LTBP3: variants seen among roughly 807,000 people sequenced by gnomAD.
The protein encoded by LTBP3 is latent transforming growth factor beta binding protein 3.
LTBP3 carries 97 observed loss-of-function variants against 159.7 expected under a neutral mutation model. The ratio of observed to expected loss-of-function variants is 0.61; its 90% CI spans 0.52 to 0.72. The LOEUF (loss-of-function observed/expected upper bound fraction) is 0.72, where lower values mean the gene tolerates loss of function less well. Ranked by LOEUF, LTBP3 falls within the 30% of genes least tolerant of loss-of-function variation. The pLI, the probability that LTBP3 is intolerant of heterozygous loss-of-function variation, is 0.00. For missense variants in LTBP3, 1,584 were observed against 1,864.3 expected (o/e 0.85, Z 2.77); for synonymous variants, 824 against 777.1 (o/e 1.06, Z -1.00).
intron 11 of LTBP3, among the ~76,000 whole-genome samples, chr11:65,549,567 C>CTTTTTTT (rs748132211): frequency 7.7e-5 from 5 of 64,744 alleles, no homozygotes; most frequent in South Asian, 7.1e-4. Flanking sequence ...CCCAGCTAAT[C>CTTTTTTT]TTTTTTTTTT....
rs1856242047 is a variant in LTBP3, at chr11:65,543,449, GGACA to G, written c.2450_2453del (p.Leu817ProfsTer50). On this transcript the variant is annotated frameshift_variant, in exon 17 of 28. Coordinates refer to ENST00000301873, the MANE Select transcript of LTBP3 (RefSeq NM_001130144.3). LOFTEE classifies it high-confidence loss of function. ...CACCCTCGCAGTGGCTCCGGTCCCT[GGACA>G]GATGGTAGCCAGAGAGGCACTGACA... The G allele has an allele frequency of 6.2e-7, 1 of 1,613,996 alleles. No homozygotes were observed.
At chr11:65,556,523 C>A (rs973760673) in intron 1 of LTBP3, among the ~76,000 whole-genome samples, 6 of 152,132 alleles carry the variant, frequency 3.9e-5, no homozygotes, top group African/African-American at 1.4e-4. Context: ...AGCAAAACTC[C>A]ATCTCAAAAA....
intron 11 of LTBP3, chr11:65,548,560 C>T: frequency 5.1e-6 from 1 of 194,872 alleles, no homozygotes; most frequent in South Asian, 8.4e-5. Context: ...CCTGGGAATC[C>T]TAACTAGTGC....
Position 65,557,852 on chromosome 11 carries a change from G to GA in LTBP3, c.107_108insT (p.Leu37ProfsTer157). 8.3e-7 allele frequency: 1 copy of GA among 1,201,362 alleles called. No homozygotes were observed. The highest frequency in any genetic ancestry group is 1.1e-6 in the Non-Finnish European group (1 of 910,474). The allele number at this position is 1,201,362 out of a possible 1,614,324, so 74.4% of individuals were successfully genotyped here. A position where few individuals can be genotyped will look rare whatever the true frequency, so the allele number is the denominator to read the frequency against. On this transcript the variant is annotated frameshift_variant, in exon 1 of 28. Transcript: ENST00000301873. LOFTEE classifies it high-confidence loss of function. Reference sequence around the variant, plus strand: ...GCCCCCCCTCGACCCTGCCGCCCAGGCCCAGCAGCAGCAGCAGCAGCAGCA... The same window carrying GA: ...GCCCCCCCTCGACCCTGCCGCCCAGGACCCAGCAGCAGCAGCAGCAGCAGCA...
In LTBP3 at chr11:65,548,009, C is replaced by T; in HGVS notation, c.1757G>A (p.Gly586Asp). The T allele has an allele frequency of 6.2e-7, 1 of 1,613,902 alleles. No individual in the cohort carries two copies. Among genetic ancestry groups the T allele is most frequent in the Middle Eastern group, 1.7e-4 (1 of 6,048 alleles). ...DECRLNQNIC[G>D]HGECVPGPPD... ...GGGGCCCGGCACGCACTCTCCGTGG[C>T]CACAGATGTTCTGGTTCAGTCGGCA... is the stretch of plus-strand genomic sequence containing the variant. The change falls in exon 12 of 28, where the codon GGC becomes GAC. Residue 586 changes from glycine (G) to aspartate (D), a missense_variant. Gly to Asp is a moderately conservative substitution (Grantham distance 94, BLOSUM62 -1). Transcript: ENST00000301873.
Position 65,557,621 on chromosome 11 carries a change from G to T in LTBP3, c.331+8C>A. 6.2e-7 allele frequency: 1 copy of T among 1,608,330 alleles called. No homozygotes were observed. Among genetic ancestry groups the T allele is most frequent in the Non-Finnish European group, 8.5e-7 (1 of 1,179,696 alleles). The stretch of plus-strand genomic sequence containing the variant: ...TCCCCTGCCCCCAGCCGTGCCCCCG[G>T]CCCTCACCCACGCGGAAGCCGGAGC... On this transcript the variant is annotated splice_region_variant and intron_variant, in intron 1 of 27. Coordinates refer to ENST00000301873, the MANE Select transcript of LTBP3 (RefSeq NM_001130144.3).
intron 22 of LTBP3, 28 bp from the exon 23 acceptor site, chr11:65,540,410 G>A (rs367848582): frequency 6.8e-6 from 11 of 1,606,892 alleles, no homozygotes; most frequent in East Asian, 6.7e-5. Context: ...GTGGGTAGCA[G>A]GGGCAGGCCC....
chr11:65,543,442 G>C lies in LTBP3; in HGVS notation c.2461C>G (p.Arg821Gly). The change falls in exon 17 of 28, where the codon CGG (arginine) becomes GGG (glycine). Residue 821 changes from arginine to glycine, a missense_variant. Coordinates refer to ENST00000301873, the MANE Select transcript of LTBP3 (RefSeq NM_001130144.3). ...GATCCCTCACCCTCGCAGTGGCTCC[G>C]GTCCCTGGACAGATGGTAGCCAGAG... ...CLSGYHLSRD[R>G]SHCEDIDECD... 1 of 1,614,044 alleles carries C rather than the reference G, an allele frequency of 6.2e-7. No homozygotes were observed. The highest frequency in any genetic ancestry group is 1.7e-4 in the Middle Eastern group (1 of 6,054).
At position 65,542,964 on chromosome 11, in the gene LTBP3, GGATGGATGGATA is replaced by G. The variant is rs1427542207; in HGVS notation, c.2596+129_2596+140del. 5.6e-3 allele frequency: 5,997 copies of G among 1,066,964 alleles called. 276 individuals carry two copies. In the African/African-American group the frequency reaches 0.11, roughly 20 times the overall value. The allele number at this position is 1,066,964 out of a possible 1,614,324, so 66.1% of individuals were successfully genotyped here. A position where few individuals can be genotyped will look rare whatever the true frequency, so the allele number is the denominator to read the frequency against. ...TGGATGGATGGATGGATGGATGGAT[GGATGGATGGATA>G]GATGGATGGATGGATGGATGAAGGA... On this transcript the variant is annotated intron_variant, in intron 18 of 27. Coordinates refer to ENST00000301873, the MANE Select transcript of LTBP3 (RefSeq NM_001130144.3).
rs1402837552 is a variant in LTBP3, at chr11:65,553,675, C to T, written c.864+26G>A. The T allele has an allele frequency of 6.4e-7, 1 of 1,560,066 alleles. No individual in the cohort carries two copies. Among genetic ancestry groups the T allele is most frequent in the Non-Finnish European group, 8.6e-7 (1 of 1,159,194 alleles). On this transcript the variant is annotated intron_variant, in intron 3 of 27. Transcript: ENST00000301873. The surrounding 1 kb of genome is among the most constrained non-coding windows in gnomAD (Gnocchi z 6.5). ...AGAGCAACCCTGAGAGAAGGAAAGG[C>T]AGATCCCGACTGTGGATTCACTCAC...
intron 11 of LTBP3, among the ~76,000 whole-genome samples, chr11:65,549,232 C>T (rs1381983175): frequency 6.6e-6 from 1 of 152,202 alleles, no homozygotes; most frequent in Non-Finnish European, 1.5e-5. Context: ...AAACTCAAGC[C>T]TCCTTGACAA....
At chr11:65,548,245 C>A in intron 11 of LTBP3, 200 bp from the exon 12 acceptor site, 4 of 726,472 alleles carry the variant, frequency 5.5e-6, no homozygotes, top group South Asian at 5.1e-5. Context: ...GGACTCCAGG[C>A]CCCTGACAGC....
At position 65,538,796 on chromosome 11, in the gene LTBP3, A is replaced by T; in HGVS notation, c.*284T>A. The T allele has an allele frequency of 1.2e-6, 1 of 807,374 alleles. No homozygotes were observed. Among genetic ancestry groups the T allele is most frequent in the Non-Finnish European group, 1.8e-6 (1 of 547,488 alleles). 50.0% of individuals were successfully genotyped at this position (807,374 alleles called of 1,614,324 possible). A position where few individuals can be genotyped will look rare whatever the true frequency, so the allele number is the denominator to read the frequency against. ...CGCGCCCACGTCAGACGTGAACATC[A>T]ATTTGCTTCGAAAGCCAAGGGTAAA... On this transcript the variant is annotated 3_prime_UTR_variant, in exon 28 of 28. Transcript: ENST00000301873.
Position 65,538,620 on chromosome 11 carries a change from A to G in LTBP3, c.*460T>C. On this transcript the variant is annotated 3_prime_UTR_variant, in exon 28 of 28. Coordinates refer to ENST00000301873, the MANE Select transcript of LTBP3 (RefSeq NM_001130144.3). ...GAGAGCCCGCCCCACAGATGTATTT[A>G]TTGTACAAACCATGTGAGCCCGGCC... is the stretch of plus-strand genomic sequence containing the variant. 1 of 1,578,508 alleles carries G rather than the reference A, an allele frequency of 6.3e-7. No homozygotes were observed. The highest frequency in any genetic ancestry group is 2.3e-5 in the East Asian group (1 of 44,134).
intron 11 of LTBP3, among the ~76,000 whole-genome samples, chr11:65,550,069 A>G (rs1256575625): frequency 6.6e-6 from 1 of 152,184 alleles, no homozygotes; most frequent in Non-Finnish European, 1.5e-5. Context: ...GACAGGCAAC[A>G]AGCCGATCAA....
At position 65,547,050 on chromosome 11, in the gene LTBP3, C is replaced by T; in HGVS notation, c.2108-130G>A. On this transcript the variant is annotated intron_variant, in intron 14 of 27. Transcript: ENST00000301873. This position sits in a 1 kb window ranked among gnomAD's most constrained non-coding sequence, Gnocchi z 4.6. ...CCCGGACCCCAACCTCTGAGAGGCC[C>T]AGAGCCGAGCATACAGGCCGGGTGC... 7.5e-7 allele frequency: 1 copy of T among 1,339,606 alleles called. No individual in the cohort carries two copies. The highest frequency in any genetic ancestry group is 1.0e-6 in the Non-Finnish European group (1 of 977,462). 83.0% of individuals were successfully genotyped at this position (1,339,606 alleles called of 1,614,324 possible). A position where few individuals can be genotyped will look rare whatever the true frequency, so the allele number is the denominator to read the frequency against.
At position 65,540,725 on chromosome 11, in the gene LTBP3, C is replaced by T. The variant is rs373594974; in HGVS notation, c.2978-111G>A. 1.5e-5 allele frequency: 20 copies of T among 1,326,008 alleles called. No homozygotes were observed. In the East Asian group the frequency reaches 3.4e-4, roughly 23 times the overall value. 82.1% of individuals were successfully genotyped at this position (1,326,008 alleles called of 1,614,324 possible). A position where few individuals can be genotyped will look rare whatever the true frequency, so the allele number is the denominator to read the frequency against. On this transcript the variant is annotated intron_variant, in intron 21 of 27. Coordinates refer to ENST00000301873, the MANE Select transcript of LTBP3 (RefSeq NM_001130144.3). The stretch of plus-strand genomic sequence containing the variant: ...CCCCGGGCGGGGCCTACAGGAGGGG[C>T]GGGGCCTACAGGGCGGGGCCTGCGA...
Position 65,547,405 on chromosome 11 carries a change from A to T in LTBP3, c.2107+34T>A. 6.2e-7 allele frequency: 1 copy of T among 1,608,578 alleles called. No individual in the cohort carries two copies. Among genetic ancestry groups the T allele is most frequent in the Non-Finnish European group, 8.5e-7 (1 of 1,179,528 alleles). On this transcript the variant is annotated intron_variant, in intron 14 of 27. Coordinates refer to ENST00000301873, the MANE Select transcript of LTBP3 (RefSeq NM_001130144.3). This position sits in a 1 kb window ranked among gnomAD's most constrained non-coding sequence, Gnocchi z 4.6. The stretch of plus-strand genomic sequence containing the variant: ...ACCCCAGGTGGAGAGACAGCTAAGG[A>T]GCTCCTTCTTTGGTCTGAATGGGGT...
At position 65,553,515 on chromosome 11, in the gene LTBP3, G is replaced by A; in HGVS notation, c.880C>T (p.Leu294Phe). Residue 294 changes from leucine (L) to phenylalanine (F), a missense_variant, in exon 4 of 28, where the codon CTC becomes TTC. Leu to Phe is a conservative substitution (Grantham distance 22, BLOSUM62 0). Around this residue, in one of 6 missense-constraint regions of LTBP3, gnomAD observed 156 missense variants for 259.7 expected, o/e 0.60. Transcript: ENST00000301873. The surrounding 1 kb of genome is among the most constrained non-coding windows in gnomAD (Gnocchi z 6.5). ...TCTTCCTGCTTGGTGAGGCCGGGGA[G>A]GGGGTTGCTGCCACACTAGGGGAAG... ...LPKQPCGSNP[L>F]PGLTKQEDCC... 6.2e-7 allele frequency: 1 copy of A among 1,610,956 alleles called. No individual in the cohort carries two copies. The highest frequency in any genetic ancestry group is 1.1e-5 in the South Asian group (1 of 90,958).
Sources: allele counts gnomAD v4.1 joint callset (sites outside exome capture counted in the v4.1 genomes callset), GRCh38; gene constraint gnomAD v4.1.1; regional missense constraint gnomAD v4.1.1; non-coding constraint Gnocchi (gnomAD v3.1); transcripts MANE v1.5; gene names NCBI Gene and HGNC (gene_info 2026-07-23, HGNC 2026-07-21).